The following KLRK1 variants were observed in gnomAD, a reference collection of about 807,000 sequenced individuals.
The protein encoded by KLRK1 is killer cell lectin like receptor K1.
A neutral mutation model predicts 31.3 loss-of-function variants in KLRK1; 40 were observed. The observed-to-expected ratio is 1.28, with a 90% CI of 0.99 to 1.67. The LOEUF (loss-of-function observed/expected upper bound fraction) is 1.67, where lower values mean the gene tolerates loss of function less well. Ranked by LOEUF, KLRK1 falls within the 40% of genes most tolerant of loss-of-function variation. KLRK1 has a pLI of 0.00. For synonymous variants in KLRK1, 77 were observed against 77.3 expected (o/e 1.00, Z 0.02); for missense variants, 251 against 260.0 (o/e 0.97, Z 0.24).
At position 10,379,796 on chromosome 12, in the gene KLRK1, T is replaced by G; in HGVS notation, c.149-4A>C. On this transcript the variant is annotated splice_region_variant and splice_polypyrimidine_tract_variant and intron_variant, in intron 3 of 7. Coordinates refer to ENST00000240618, the MANE Select transcript of KLRK1 (RefSeq NM_007360.4). ...CAGCAGAAAAAAAATGGAGATGCTGTCAAAGAAAAAAGACACAGATCAGAG... is the reference window on the plus strand; with the variant it reads ...CAGCAGAAAAAAAATGGAGATGCTGGCAAAGAAAAAAGACACAGATCAGAG... The G allele has an allele frequency of 6.2e-7, 1 of 1,609,342 alleles. No homozygotes were observed. The highest frequency in any genetic ancestry group is 1.7e-4 in the Middle Eastern group (1 of 6,024).
intron 3 of KLRK1, among the ~76,000 whole-genome samples, chr12:10,381,576 T>C (rs374735388): frequency 6.6e-6 from 1 of 151,712 alleles, no homozygotes; most frequent in African/African-American, 2.4e-5. Context: ...AAAAAATCAA[T>C]GGGTAGGCAA....
intron 3 of KLRK1, among the ~76,000 whole-genome samples, chr12:10,386,114 C>T (rs1863163175): frequency 6.6e-6 from 1 of 151,458 alleles, no homozygotes; most frequent in African/African-American, 2.4e-5. Context: ...TTTTGACGGA[C>T]TGTCAATTTT....
intron 7 of KLRK1, among the ~76,000 whole-genome samples, chr12:10,375,556 A>G (rs1862949217): frequency 1.3e-5 from 2 of 152,330 alleles, no homozygotes; most frequent in Middle Eastern, 3.4e-3. Flanking sequence ...TTTTTATTAC[A>G]TTGAAGAATT....
At chr12:10,380,190 C>T (rs550635374) in intron 3 of KLRK1, among the ~76,000 whole-genome samples, 1 of 151,248 alleles carries the variant, frequency 6.6e-6, no homozygotes, top group Non-Finnish European at 1.5e-5. Flanking sequence ...CTCACCCTCC[C>T]GAGTAGCTGG....
At chr12:10,388,916 T>G in intron 1 of KLRK1, 41 bp from the exon 2 acceptor site, 1 of 1,358,554 alleles carries the variant, frequency 7.4e-7, no homozygotes, top group Non-Finnish European at 1.0e-6. Context: ...TTGTTCTCTT[T>G]CCCGTGGTGA....
At chr12:10,385,489 C>CGTAGA (rs1445239853) in intron 3 of KLRK1, among the ~76,000 whole-genome samples, 1 of 151,554 alleles carries the variant, frequency 6.6e-6, no homozygotes, top group African/African-American at 2.4e-5. Flanking sequence ...CATAATGTTA[C>CGTAGA]GTAGAGTAAA....
At position 10,388,861 on chromosome 12, in the gene KLRK1, A is replaced by G. The variant is rs772130018; in HGVS notation, c.-51T>C. On this transcript the variant is annotated 5_prime_UTR_variant, in exon 2 of 8. Coordinates refer to ENST00000240618, the MANE Select transcript of KLRK1 (RefSeq NM_007360.4). ...CGCAGAGAGGAATCTAAAGTCTTCA[A>G]TGCACAAAGGATTCCTGAATAAAAT... is the stretch of plus-strand genomic sequence containing the variant. The G allele has an allele frequency of 1.9e-6, 3 of 1,605,962 alleles. No homozygotes were observed. The highest frequency in any genetic ancestry group is 1.3e-5 in the African/African-American group (1 of 74,894).
chr12:10,388,290 G>A (rs1416916815), intron 2 of KLRK1, among the ~76,000 whole-genome samples: 2 of 152,144 alleles, frequency 1.3e-5, no homozygotes, highest in Middle Eastern at 3.2e-3. Flanking sequence ...GTTACCAACT[G>A]TGAATAAGTT....
rs766570557 is a variant in KLRK1, at chr12:10,378,698, G to GTAAC, written c.281_284dup (p.Tyr95Ter). 5 of 1,594,162 alleles carry GTAAC rather than the reference G, an allele frequency of 3.1e-6. No homozygotes were observed. In the African/African-American group the frequency reaches 4.1e-5, roughly 13 times the overall value. On this transcript the variant is annotated stop_gained and frameshift_variant, in exon 6 of 8. Transcript: ENST00000240618. LOFTEE classifies it high-confidence loss of function. ...TCCAGTTTTTAGGACATGGGCCACAGTAACTTTCTGGAAAAGGAGAATATA... is the reference window on the plus strand; with the variant it reads ...TCCAGTTTTTAGGACATGGGCCACAGTAACTAACTTTCTGGAAAAGGAGAATATA...
chr12:10,383,987 T>A (rs549324742), intron 3 of KLRK1, among the ~76,000 whole-genome samples: 1 of 151,966 alleles, frequency 6.6e-6, no homozygotes, highest in African/African-American at 2.4e-5. Flanking sequence ...GAAAAAGAAA[T>A]CAAGAAGTCA....
Position 10,379,449 on chromosome 12 carries a change from G to T in KLRK1, c.275C>A (p.Thr92Asn), listed in dbSNP as rs550400769. ...LFNQEVQIPL[T>N]ESYCGPCPKN... ...AAATATTTTAAAAATTCACTTACCG[G>T]TCAAGGGAATTTGAACTTCTTGGTT... Residue 92 changes from threonine to asparagine, a missense_variant and splice_region_variant, in exon 5 of 8, where the codon ACC becomes AAC. Physicochemically the swap from Thr to Asn is moderately conservative, Grantham distance 65. Coordinates refer to ENST00000240618, the MANE Select transcript of KLRK1 (RefSeq NM_007360.4). The T allele has an allele frequency of 4.1e-6, 6 of 1,458,992 alleles. No individual in the cohort carries two copies. The Admixed American group carries it at 9.1e-5, about 22-fold the overall frequency. The allele number at this position is 1,458,992 out of a possible 1,614,324, so 90.4% of individuals were successfully genotyped here.
intron 6 of KLRK1, 73 bp from the exon 7 acceptor site, chr12:10,378,308 T>C (rs986620017): frequency 6.7e-7 from 1 of 1,495,118 alleles, no homozygotes; most frequent in African/African-American, 1.4e-5. Flanking sequence ...ACCATAACCA[T>C]TTCATCTGTT....
At chr12:10,384,033 C>G (rs1200700160) in intron 3 of KLRK1, among the ~76,000 whole-genome samples, 2 of 151,858 alleles carry the variant, frequency 1.3e-5, no homozygotes, top group African/African-American at 4.8e-5. Context: ...ATAAAATACC[C>G]TGGAATAAAT....
intron 7 of KLRK1, among the ~76,000 whole-genome samples, chr12:10,376,768 A>G (rs1862974070): frequency 6.6e-6 from 1 of 152,076 alleles, no homozygotes; most frequent in Non-Finnish European, 1.5e-5. Context: ...TTAAAACTAC[A>G]TTCATATACC....
At chr12:10,378,739 A>C (rs942054246) in intron 5 of KLRK1, 34 bp from the exon 6 acceptor site, 1 of 1,555,212 alleles carries the variant, frequency 6.4e-7, no homozygotes, top group Non-Finnish European at 8.6e-7. Context: ...AATTCTACAC[A>C]TCTGAACCAT....
chr12:10,378,065 A>C, intron 7 of KLRK1, 67 bp downstream of exon 7: 1 of 1,458,250 alleles, frequency 6.9e-7, no homozygotes, highest in South Asian at 1.2e-5. Flanking sequence ...ATGAGTGATT[A>C]GAATTATTAC....
intron 3 of KLRK1, among the ~76,000 whole-genome samples, chr12:10,385,176 A>G (rs1458709477): frequency 9.2e-5 from 14 of 151,978 alleles, no homozygotes; most frequent in Admixed American, 9.2e-4. Context: ...TGGAAACAGT[A>G]TGGAGGTCCC....
Position 10,386,988 on chromosome 12 carries a change from A to G in KLRK1, c.63T>C (p.Tyr21=), listed in dbSNP as rs757031790. ...HSWEMSEFHN[Y]NLDLKKSDFS... ...AATCACTCTTCTTCAGATCCAAGTT[A>G]TAATTATGAAATTCACTCATCTCTA... Residue 21 remains tyrosine (Y), a synonymous_variant, in exon 3 of 8, where the codon TAT becomes TAC. Coordinates refer to ENST00000240618, the MANE Select transcript of KLRK1 (RefSeq NM_007360.4). 3 of 1,610,884 alleles carry G rather than the reference A, an allele frequency of 1.9e-6. No individual in the cohort carries two copies. The highest frequency in any genetic ancestry group is 2.5e-6 in the Non-Finnish European group (3 of 1,178,532).
chr12:10,378,771 A>AAATT, intron 5 of KLRK1, 66 bp from the exon 6 acceptor site: 3 of 1,499,060 alleles, frequency 2.0e-6, no homozygotes, highest in Non-Finnish European at 2.7e-6. Flanking sequence ...TTGTCTAGAC[A>AAATT]AATTAAATGC....
Sources: gnomAD v4.1 joint callset for allele counts (sites outside exome capture counted in the v4.1 genomes callset) on GRCh38, gnomAD v4.1.1 for gene constraint, MANE v1.5 for transcripts, NCBI Gene and HGNC (gene_info 2026-07-23, HGNC 2026-07-21) for gene names.